The following MACROD2 variants were observed in gnomAD, a reference collection of about 807,000 sequenced individuals.
MACROD2 encodes ADP-ribose glycohydrolase MACROD2.
In MACROD2, 36 loss-of-function variants were observed where a neutral mutation model predicts 70.4. The ratio of observed to expected loss-of-function variants is 0.51; its 90% CI spans 0.39 to 0.68. MACROD2 has a LOEUF of 0.68. Among genes scored for constraint, MACROD2 ranks in the 30% least tolerant of loss-of-function variants. The probability of loss-of-function intolerance (pLI) is 0.00; values close to 1 mark genes in which losing one functional copy is unlikely to be tolerated. For synonymous variants in MACROD2, 172 were observed against 178.8 expected (o/e 0.96, Z 0.30); for missense variants, 496 against 538.4 (o/e 0.92, Z 0.78).
chr20:14,098,572 T>C (rs968908648), intron 3 of MACROD2, among the ~76,000 whole-genome samples: 4 of 152,176 alleles, frequency 2.6e-5, no homozygotes, highest in African/African-American at 9.6e-5. Context: ...AATAACATAT[T>C]AGGACTGCAC....
chr20:15,561,967 T>C (rs6043363), intron 8 of MACROD2, among the ~76,000 whole-genome samples: 11,625 of 152,084 alleles, frequency 0.076, 651 homozygotes, highest in East Asian at 0.16. Context: ...GTCAAGATTA[T>C]GTTGAATCAG....
intron 3 of MACROD2, among the ~76,000 whole-genome samples, chr20:14,103,942 C>T (rs900371234): frequency 1.3e-5 from 2 of 152,016 alleles, no homozygotes; most frequent in African/African-American, 2.4e-5. Flanking sequence ...AGGACATTCC[C>T]TTAAAGTGAA....
intron 7 of MACROD2, among the ~76,000 whole-genome samples, chr20:15,454,091 G>T (rs1025303366): frequency 6.6e-6 from 1 of 152,114 alleles, no homozygotes; most frequent in African/African-American, 2.4e-5. Context: ...CTAGCCAATT[G>T]TCAATAGAGG....
At chr20:15,086,003 A>G (rs2075746179) in intron 5 of MACROD2, among the ~76,000 whole-genome samples, 1 of 151,784 alleles carries the variant, frequency 6.6e-6, no homozygotes, top group Admixed American at 6.6e-5. Flanking sequence ...GTACATTCTC[A>G]GGACCCACCC....
chr20:15,817,387 G>C (rs905534199), intron 8 of MACROD2, among the ~76,000 whole-genome samples: 4 of 152,092 alleles, frequency 2.6e-5, no homozygotes, highest in African/African-American at 7.2e-5. Flanking sequence ...TCTCACAATT[G>C]ATCAGCCTCC....
chr20:15,544,677 G>T lies in MACROD2; in HGVS notation c.645+44830G>T, dbSNP rs185348315. 2.7e-3 allele frequency among the ~76,000 whole-genome samples: 406 copies of T among 152,306 alleles called. 1 individual carries two copies. Among genetic ancestry groups the T allele is most frequent in the Non-Finnish European group, 3.6e-3 (244 of 68,022 alleles). On this transcript the variant is annotated intron_variant, in intron 8 of 17. Transcript: ENST00000684519. ...GAACTTAACTGACTTCTGCATGCACGCCAGCCTTCCTAGTGTAACTTAGGG... is the reference window on the plus strand; with the variant it reads ...GAACTTAACTGACTTCTGCATGCACTCCAGCCTTCCTAGTGTAACTTAGGG...
At chr20:14,316,836 A>G (rs865890351) in intron 3 of MACROD2, among the ~76,000 whole-genome samples, 8 of 152,292 alleles carry the variant, frequency 5.3e-5, no homozygotes, top group Middle Eastern at 3.4e-3. Context: ...GTGTTTCTCC[A>G]TACAGTAGCT....
At chr20:14,284,494 A>T (rs1307391093) in intron 3 of MACROD2, among the ~76,000 whole-genome samples, 1 of 152,194 alleles carries the variant, frequency 6.6e-6, no homozygotes, top group Non-Finnish European at 1.5e-5. Context: ...AAAACTCAGC[A>T]TGTGGATTTT....
intron 3 of MACROD2, among the ~76,000 whole-genome samples, chr20:14,365,418 G>A (rs2083262941): frequency 6.6e-6 from 1 of 151,108 alleles, no homozygotes; most frequent in Non-Finnish European, 1.5e-5. Flanking sequence ...ATGTAATAAT[G>A]TTCATGTATA....
chr20:15,144,311 G>A lies in MACROD2; in HGVS notation c.419-85629G>A, dbSNP rs117702247. Among the ~76,000 whole-genome samples the A allele has an allele frequency of 6.6e-3, 1,006 of 152,234 alleles. 8 individuals are homozygous for A. Among genetic ancestry groups the A allele is most frequent in the Non-Finnish European group, 9.6e-3 (650 of 68,018 alleles). On this transcript the variant is annotated intron_variant, in intron 5 of 17. Coordinates refer to ENST00000684519, the MANE Select transcript of MACROD2 (RefSeq NM_001351661.2). Reference sequence around the variant, plus strand: ...TGGTGATCAAAACTCCAATGCACATGTAGACTATAATTTGTTCATGTCAGG... The same window carrying A: ...TGGTGATCAAAACTCCAATGCACATATAGACTATAATTTGTTCATGTCAGG...
intron 5 of MACROD2, among the ~76,000 whole-genome samples, chr20:15,158,459 A>G (rs2076324596): frequency 6.6e-6 from 1 of 151,854 alleles, no homozygotes; most frequent in Admixed American, 6.5e-5. Context: ...AATACCACAG[A>G]GAAACTCTGT....
At chr20:14,276,058 A>G (rs1177548284) in intron 3 of MACROD2, among the ~76,000 whole-genome samples, 1 of 151,638 alleles carries the variant, frequency 6.6e-6, no homozygotes, top group Admixed American at 6.6e-5. Context: ...CCATTGTGGA[A>G]GTCAGTGTGG....
chr20:14,462,576 T>G (rs1363162989), intron 3 of MACROD2, among the ~76,000 whole-genome samples: 1 of 141,770 alleles, frequency 7.1e-6, no homozygotes, highest in Non-Finnish European at 1.6e-5. Flanking sequence ...TTGTTGCCAT[T>G]GCTTTTGGTG....
At chr20:14,234,205 C>T (rs1267048932) in intron 3 of MACROD2, among the ~76,000 whole-genome samples, 3 of 152,068 alleles carry the variant, frequency 2.0e-5, no homozygotes, top group East Asian at 3.9e-4. Context: ...CTTAAAACTG[C>T]ACTACTAAAA....
chr20:15,215,148 G>T (rs1386939875), intron 5 of MACROD2, among the ~76,000 whole-genome samples: 1 of 151,858 alleles, frequency 6.6e-6, no homozygotes, highest in African/African-American at 2.4e-5. Flanking sequence ...AATAAATCGG[G>T]CTTAAAACAA....
intron 4 of MACROD2, among the ~76,000 whole-genome samples, chr20:14,674,190 T>C (rs1211066921): frequency 6.6e-6 from 1 of 152,136 alleles, no homozygotes; most frequent in East Asian, 1.9e-4. Context: ...GGAAAGAGAC[T>C]ATGGTTTATA....
chr20:14,608,582 T>G (rs980553322), intron 4 of MACROD2, among the ~76,000 whole-genome samples: 1 of 152,138 alleles, frequency 6.6e-6, no homozygotes, highest in African/African-American at 2.4e-5. Flanking sequence ...TACTTATTGA[T>G]TACTGAGGAT....
At chr20:14,897,834 C>T (rs1219435528) in intron 5 of MACROD2, among the ~76,000 whole-genome samples, 3 of 152,166 alleles carry the variant, frequency 2.0e-5, no homozygotes, top group Non-Finnish European at 4.4e-5. Context: ...AGTGAGGGTG[C>T]TCTTCTTCAT....
chr20:15,906,485 C>T (rs1056871748), intron 10 of MACROD2, among the ~76,000 whole-genome samples: 1 of 152,050 alleles, frequency 6.6e-6, no homozygotes, highest in South Asian at 2.1e-4. Flanking sequence ...ATTCATCCTG[C>T]ATGAGCACAA....
Sources: gnomAD v4.1 joint callset for allele counts (sites outside exome capture counted in the v4.1 genomes callset) on GRCh38, gnomAD v4.1.1 for gene constraint, MANE v1.5 for transcripts, NCBI Gene and HGNC (gene_info 2026-07-23, HGNC 2026-07-21) for gene names.